CBLB: variants seen among roughly 807,000 people sequenced by gnomAD.
CBLB encodes Cbl proto-oncogene B.
CBLB carries 31 observed loss-of-function variants against 104.9 expected under a neutral mutation model. That is an observed-to-expected ratio of 0.30 (90% CI 0.22 to 0.40). The LOEUF (loss-of-function observed/expected upper bound fraction) is 0.40, where lower values mean the gene tolerates loss of function less well. Among genes scored for constraint, CBLB ranks in the 10% least tolerant of loss-of-function variants. The probability of loss-of-function intolerance (pLI) is 1.00; values close to 1 mark genes in which losing one functional copy is unlikely to be tolerated. For missense variants in CBLB, 1,062 were observed against 1,214.6 expected (o/e 0.87, Z 1.87); for synonymous variants, 440 against 422.6 (o/e 1.04, Z -0.51).
intron 9 of CBLB, among the ~76,000 whole-genome samples, chr3:105,731,001 T>C (rs1346413196): frequency 6.6e-6 from 1 of 152,144 alleles, no homozygotes; most frequent in Non-Finnish European, 1.5e-5. Context: ...AAATAGTAAA[T>C]GTTAACAACT....
At chr3:105,757,792 G>C (rs2077217444) in intron 4 of CBLB, among the ~76,000 whole-genome samples, 1 of 152,134 alleles carries the variant, frequency 6.6e-6, no homozygotes, top group African/African-American at 2.4e-5. Flanking sequence ...AGGTGTTTAA[G>C]ATCCATTGTA....
At chr3:105,751,356 G>T in intron 5 of CBLB, 106 bp downstream of exon 5, 1 of 806,580 alleles carries the variant, frequency 1.2e-6, no homozygotes, top group South Asian at 1.5e-5. Flanking sequence ...CCATATGTTT[G>T]TTTATGTGTG....
intron 3 of CBLB, among the ~76,000 whole-genome samples, chr3:105,851,151 T>A (rs1345440743): frequency 1.3e-5 from 2 of 151,570 alleles, no homozygotes; most frequent in East Asian, 3.9e-4. Context: ...AAGGTGTGAG[T>A]GAAAAACCAA....
intron 2 of CBLB, among the ~76,000 whole-genome samples, chr3:105,860,758 A>AT (rs766856809): frequency 9.2e-5 from 14 of 152,136 alleles, no homozygotes; most frequent in Non-Finnish European, 1.8e-4. Context: ...GAGGATCATG[A>AT]TTTTTAGAAG....
chr3:105,756,884 T>C (rs915443732), intron 4 of CBLB, among the ~76,000 whole-genome samples: 2 of 152,208 alleles, frequency 1.3e-5, no homozygotes, highest in South Asian at 2.1e-4. Flanking sequence ...GATCGGATCA[T>C]GGGAGCATAT....
chr3:105,848,408 A>G (rs1457701600), intron 3 of CBLB, among the ~76,000 whole-genome samples: 1 of 152,092 alleles, frequency 6.6e-6, no homozygotes, highest in Non-Finnish European at 1.5e-5. Flanking sequence ...CACAGGACCT[A>G]AGTAACTAGG....
intron 2 of CBLB, among the ~76,000 whole-genome samples, chr3:105,860,335 CAA>C (rs1398545391): frequency 1.3e-5 from 2 of 152,048 alleles, no homozygotes; most frequent in Admixed American, 1.3e-4. Context: ...AAAATGAGTA[CAA>C]AGTTTGGAGA....
intron 10 of CBLB, among the ~76,000 whole-genome samples, chr3:105,717,895 G>T (rs554673213): frequency 7.2e-5 from 11 of 152,122 alleles, no homozygotes; most frequent in Non-Finnish European, 1.5e-4. Context: ...GTGACCTGAC[G>T]TTCTTCTAGG....
Position 105,737,155 on chromosome 3 carries a change from T to C in CBLB, c.1071+16A>G. Reference sequence around the variant, plus strand: ...GGATACTTATTTAATTATACTTTTCTAGCAATTATCCTTACCTGTGTAACT... The same window carrying C: ...GGATACTTATTTAATTATACTTTTCCAGCAATTATCCTTACCTGTGTAACT... On this transcript the variant is annotated intron_variant, in intron 8 of 18. Coordinates refer to ENST00000394030, the MANE Select transcript of CBLB (RefSeq NM_170662.5). 1.5e-6 allele frequency: 2 copies of C among 1,342,818 alleles called. No homozygotes were observed. The highest frequency in any genetic ancestry group is 2.1e-6 in the Non-Finnish European group (2 of 943,518). The allele number at this position is 1,342,818 out of a possible 1,614,324, so 83.2% of individuals were successfully genotyped here.
chr3:105,740,001 G>A (rs2075362671), intron 7 of CBLB, among the ~76,000 whole-genome samples: 1 of 152,224 alleles, frequency 6.6e-6, no homozygotes, highest in South Asian at 2.1e-4. Flanking sequence ...CACTTGGGAG[G>A]CTGAGGCAGG....
Position 105,701,840 on chromosome 3 carries a change from G to A in CBLB, c.1959+254C>T, listed in dbSNP as rs142297652. On this transcript the variant is annotated intron_variant, in intron 12 of 18. Transcript: ENST00000394030. ...AAGAAATTTTTGGCAAATGAAATAC[G>A]GGAAGGTGAAATAAATCTCTGGCAA... 2.1e-4 allele frequency among the ~76,000 whole-genome samples: 32 copies of A among 151,712 alleles called. 2 individuals are homozygous for A. The East Asian group carries it at 3.5e-3, about 17-fold the overall frequency.
At chr3:105,661,949 C>T (rs184407673) in intron 18 of CBLB, among the ~76,000 whole-genome samples, 473 of 152,050 alleles carry the variant, frequency 3.1e-3, no homozygotes, top group Non-Finnish European at 5.4e-3. Flanking sequence ...TGCTATAAAC[C>T]AGCAATTACT....
intron 10 of CBLB, among the ~76,000 whole-genome samples, chr3:105,715,121 A>G (rs1300826127): frequency 1.3e-5 from 2 of 152,216 alleles, no homozygotes; most frequent in Non-Finnish European, 1.5e-5. Context: ...TGGCAAAATG[A>G]AGCAAATCAC....
chr3:105,818,756 T>TA (rs1191748816), intron 3 of CBLB, among the ~76,000 whole-genome samples: 1 of 151,920 alleles, frequency 6.6e-6, no homozygotes, highest in African/African-American at 2.4e-5. Flanking sequence ...TTCAGAAAAA[T>TA]AGATTGTGAA....
At chr3:105,761,472 A>G (rs992311597) in intron 4 of CBLB, among the ~76,000 whole-genome samples, 12 of 152,290 alleles carry the variant, frequency 7.9e-5, no homozygotes, top group Non-Finnish European at 1.8e-4. Flanking sequence ...AGTTTCCGAC[A>G]TTCTATTCTT....
intron 3 of CBLB, among the ~76,000 whole-genome samples, chr3:105,844,658 T>C (rs983360152): frequency 1.3e-5 from 2 of 152,166 alleles, no homozygotes; most frequent in Admixed American, 6.6e-5. Flanking sequence ...TTTTAAAAGA[T>C]TTAGAAAACG....
At chr3:105,730,243 G>GA (rs1305987287) in intron 9 of CBLB, among the ~76,000 whole-genome samples, 2 of 151,906 alleles carry the variant, frequency 1.3e-5, no homozygotes, top group Admixed American at 6.6e-5. Context: ...AGAATGGGTG[G>GA]AAAAAAATCA....
At chr3:105,811,541 G>A (rs1443558219) in intron 3 of CBLB, among the ~76,000 whole-genome samples, 2 of 152,150 alleles carry the variant, frequency 1.3e-5, no homozygotes, top group African/African-American at 4.8e-5. Flanking sequence ...CTCTGTGGAT[G>A]ACAGTAATGT....
At chr3:105,798,633 T>C (rs998891517) in intron 3 of CBLB, among the ~76,000 whole-genome samples, 8 of 152,226 alleles carry the variant, frequency 5.3e-5, no homozygotes, top group African/African-American at 1.9e-4. Flanking sequence ...GAGATTTAAG[T>C]CTGTTTTTCC....
Sources: gnomAD v4.1 joint callset for allele counts (sites outside exome capture counted in the v4.1 genomes callset) on GRCh38, gnomAD v4.1.1 for gene constraint, MANE v1.5 for transcripts, NCBI Gene and HGNC (gene_info 2026-07-23, HGNC 2026-07-21) for gene names.